LHFPL2: variants seen among roughly 807,000 people sequenced by gnomAD.
LHFPL2 encodes LHFPL tetraspan subfamily member 2.
A neutral mutation model predicts 17.5 loss-of-function variants in LHFPL2; 7 were observed. That is an observed-to-expected ratio of 0.40 (90% confidence interval 0.23 to 0.75). LHFPL2 has a LOEUF of 0.75. LHFPL2 is among the 30% of genes least tolerant of loss of function. The pLI is 0.37. For missense variants in LHFPL2, 241 were observed against 294.8 expected (o/e 0.82, Z 1.34); for synonymous variants, 134 against 116.2 (o/e 1.15, Z -0.99).
intron 2 of LHFPL2, among the ~76,000 whole-genome samples, chr5:78,592,890 C>T (rs181298794): frequency 2.0e-5 from 3 of 152,152 alleles, no homozygotes; most frequent in Non-Finnish European, 4.4e-5. Flanking sequence ...TTCTTGGGTA[C>T]AGAGTTTCAG....
chr5:78,540,715 T>A (rs1756085033), intron 3 of LHFPL2, among the ~76,000 whole-genome samples: 3 of 152,230 alleles, frequency 2.0e-5, no homozygotes, highest in Admixed American at 1.3e-4. Flanking sequence ...CAACTACCAA[T>A]GTCACTGCAT....
chr5:78,554,786 G>A (rs1259722087), intron 3 of LHFPL2, among the ~76,000 whole-genome samples: 1 of 152,220 alleles, frequency 6.6e-6, no homozygotes. Flanking sequence ...TTGGGGAATT[G>A]TGTGTCATAT....
chr5:78,550,378 G>A (rs1756405494), intron 3 of LHFPL2, among the ~76,000 whole-genome samples: 1 of 152,126 alleles, frequency 6.6e-6, no homozygotes, highest in South Asian at 2.1e-4. Context: ...AAGGATTCAG[G>A]CCGTTATGAA....
intron 3 of LHFPL2, among the ~76,000 whole-genome samples, chr5:78,533,874 G>A (rs1393649293): frequency 2.0e-5 from 3 of 152,168 alleles, no homozygotes; most frequent in Admixed American, 1.3e-4. Context: ...TTAAACCATT[G>A]CTCTAAGAAA....
At chr5:78,525,858 T>C (rs1755608224) in intron 3 of LHFPL2, among the ~76,000 whole-genome samples, 1 of 152,184 alleles carries the variant, frequency 6.6e-6, no homozygotes, top group Non-Finnish European at 1.5e-5. Context: ...AGAGGACAGT[T>C]GTGATGGAGC....
At chr5:78,542,934 C>T (rs1756157291) in intron 3 of LHFPL2, among the ~76,000 whole-genome samples, 1 of 152,136 alleles carries the variant, frequency 6.6e-6, no homozygotes, top group Non-Finnish European at 1.5e-5. Context: ...AAAGAGTCCT[C>T]TTTTAACAAA....
intron 3 of LHFPL2, among the ~76,000 whole-genome samples, chr5:78,553,383 T>C (rs1756496648): frequency 6.6e-6 from 1 of 152,174 alleles, no homozygotes; most frequent in Non-Finnish European, 1.5e-5. Context: ...CCAATATAAT[T>C]GGTTGACCAC....
chr5:78,556,454 C>G (rs1197621350), intron 3 of LHFPL2, among the ~76,000 whole-genome samples: 3 of 152,140 alleles, frequency 2.0e-5, no homozygotes, highest in African/African-American at 4.8e-5. Flanking sequence ...CTAGCAAAGA[C>G]TTAAGAACTG....
At chr5:78,601,289 G>A (rs1263910023) in intron 2 of LHFPL2, among the ~76,000 whole-genome samples, 2 of 152,166 alleles carry the variant, frequency 1.3e-5, no homozygotes, top group African/African-American at 4.8e-5. Context: ...GGATGATTTG[G>A]TGTGCCTTGA....
At chr5:78,566,192 T>A (rs911336610) in intron 2 of LHFPL2, among the ~76,000 whole-genome samples, 1 of 152,218 alleles carries the variant, frequency 6.6e-6, no homozygotes, top group Non-Finnish European at 1.5e-5. Context: ...AATACAGCCA[T>A]GGGCTAACAA....
chr5:78,536,140 C>T (rs1223659466), intron 3 of LHFPL2, among the ~76,000 whole-genome samples: 2 of 152,132 alleles, frequency 1.3e-5, no homozygotes, highest in African/African-American at 2.4e-5. Context: ...AGTGGCTGAA[C>T]GTGATCCCAT....
At chr5:78,645,870 T>C (rs1274169160) in intron 1 of LHFPL2, among the ~76,000 whole-genome samples, 1 of 152,186 alleles carries the variant, frequency 6.6e-6, no homozygotes. Flanking sequence ...TGTGAGCCAC[T>C]GTGGGCCCAG....
chr5:78,566,052 G>A (rs1756851871), intron 2 of LHFPL2, among the ~76,000 whole-genome samples: 1 of 152,184 alleles, frequency 6.6e-6, no homozygotes, highest in Non-Finnish European at 1.5e-5. Context: ...TATTAAAAAT[G>A]TAATTGGGGT....
At chr5:78,518,565 G>A (rs751401524) in intron 3 of LHFPL2, among the ~76,000 whole-genome samples, 3 of 152,230 alleles carry the variant, frequency 2.0e-5, no homozygotes, top group Admixed American at 1.3e-4. Context: ...TCCACGCGCA[G>A]CTGCCAGTAG....
At chr5:78,526,439 G>C (rs995039387) in intron 3 of LHFPL2, among the ~76,000 whole-genome samples, 11 of 152,174 alleles carry the variant, frequency 7.2e-5, no homozygotes, top group Non-Finnish European at 1.2e-4. Context: ...AAGTCTTTGT[G>C]AGACAAAGCC....
intron 3 of LHFPL2, among the ~76,000 whole-genome samples, chr5:78,552,759 A>T (rs1368344939): frequency 6.6e-6 from 1 of 152,256 alleles, no homozygotes; most frequent in Non-Finnish European, 1.5e-5. Flanking sequence ...ACTTGTTGGA[A>T]TGATAGAAAA....
intron 3 of LHFPL2, among the ~76,000 whole-genome samples, chr5:78,520,607 A>G (rs1024406462): frequency 6.6e-6 from 1 of 152,326 alleles, no homozygotes; most frequent in East Asian, 1.9e-4. Flanking sequence ...ATGGCAACGG[A>G]CAGCCGTGGC....
chr5:78,517,069 TGGCCAC>T (rs1755315253), intron 3 of LHFPL2, among the ~76,000 whole-genome samples: 2 of 152,328 alleles, frequency 1.3e-5, no homozygotes, highest in East Asian at 3.9e-4. Flanking sequence ...CAGGTGGCCT[TGGCCAC>T]CCCAAATCTC....
At position 78,595,428 on chromosome 5, in the gene LHFPL2, C is replaced by T. The variant is rs929568075; in HGVS notation, c.-244-30557G>A. Among the ~76,000 whole-genome samples the T allele has an allele frequency of 5.3e-5, 8 of 152,206 alleles. No homozygotes were observed. In the East Asian group the frequency reaches 7.7e-4, roughly 15 times the overall value. On this transcript the variant is annotated intron_variant, in intron 2 of 4. Transcript: ENST00000380345. ...TTCTGCCACCAGAAATCTATAAGCC[C>T]TTTCCACCTAGGTGAACAATGTCTC...
Sources: gnomAD v4.1 joint callset for allele counts (sites outside exome capture counted in the v4.1 genomes callset) on GRCh38, gnomAD v4.1.1 for gene constraint, MANE v1.5 for transcripts, NCBI Gene and HGNC (gene_info 2026-07-23, HGNC 2026-07-21) for gene names.